The following CCDC7 variants were observed in gnomAD, a reference collection of about 807,000 sequenced individuals.
The protein encoded by CCDC7 is coiled-coil domain-containing protein 7.
In CCDC7, 183 loss-of-function variants were observed where a neutral mutation model predicts 196.9. The ratio of observed to expected loss-of-function variants is 0.93; its 90% CI spans 0.82 to 1.05. The LOEUF (loss-of-function observed/expected upper bound fraction) is 1.05, where lower values mean the gene tolerates loss of function less well. Among genes scored for constraint, CCDC7 ranks in the 50% least tolerant of loss-of-function variants. The probability of loss-of-function intolerance (pLI) is 0.00; values close to 1 mark genes in which losing one functional copy is unlikely to be tolerated. For missense variants in CCDC7, 1,540 were observed against 1,482.2 expected, an observed-to-expected ratio of 1.04 and a Z score of -0.64; for synonymous variants, 525 against 484.6, an observed-to-expected ratio of 1.08 and a Z score of -1.10.
intron 21 of CCDC7, among the ~76,000 whole-genome samples, chr10:32,666,875 CT>C (rs1192962092): frequency 6.6e-6 from 1 of 152,068 alleles, no homozygotes; most frequent in African/African-American, 2.4e-5. Flanking sequence ...ATTTATAATC[CT>C]TTGGGTATAT....
At chr10:32,881,884 A>G (rs948194112), downstream of CCDC7, among the ~76,000 whole-genome samples, 4 of 152,182 alleles carry the variant, frequency 2.6e-5, no homozygotes, top group Admixed American at 1.3e-4. Context: ...TAAGTCTATC[A>G]GTTCAGAGCA....
chr10:32,822,547 A>T lies in CCDC7; in HGVS notation c.3182-1971A>T, dbSNP rs1218232591. ...CATAAAGTTATACAAAGAAATAATT[A>T]TAACAATAATTATTACATTGTCCTT... On this transcript the variant is annotated intron_variant, in intron 31 of 41. Coordinates refer to ENST00000639629, the Ensembl canonical transcript of CCDC7. Among the ~76,000 whole-genome samples, 27 of 152,170 alleles carry T rather than the reference A, an allele frequency of 1.8e-4. 1 individual carries two copies. Among genetic ancestry groups the T allele is most frequent in the Admixed American group, 1.8e-3 (27 of 15,264 alleles).
chr10:32,758,265 A>G (rs2076815700), intron 28 of CCDC7, among the ~76,000 whole-genome samples: 1 of 152,074 alleles, frequency 6.6e-6, no homozygotes, highest in African/African-American at 2.4e-5. Flanking sequence ...CCAGCAGCAT[A>G]CTGATACCAA....
chr10:32,578,402 C>A (rs2058432035), intron 16 of CCDC7, among the ~76,000 whole-genome samples: 1 of 151,308 alleles, frequency 6.6e-6, no homozygotes, highest in African/African-American at 2.4e-5. Context: ...ATTATTATTT[C>A]ATTATAATAT....
chr10:32,845,730 T>C, intron 35 of CCDC7, 104 bp downstream of exon 36: 2 of 1,180,426 alleles, frequency 1.7e-6, no homozygotes, highest in Non-Finnish European at 2.5e-6. Context: ...ATGTTGGTAT[T>C]ACACAGGTAA....
chr10:32,861,115 C>CAAAAAAAAAAAAAAAAAAAAAA (rs142801821), intron 41 of CCDC7, among the ~76,000 whole-genome samples: 2 of 97,130 alleles, frequency 2.1e-5, no homozygotes, highest in African/African-American at 4.0e-5. Context: ...CAATCATAAG[C>CAAAAAAAAAAAAAAAAAAAAAA]AAAAAAAAAA....
intron 13 of CCDC7, among the ~76,000 whole-genome samples, chr10:32,554,378 T>G (rs1160010560): frequency 1.3e-5 from 2 of 152,232 alleles, no homozygotes; most frequent in Non-Finnish European, 2.9e-5. Context: ...CAGCTAGAAC[T>G]GCTTTTCCCT....
At chr10:32,786,033 C>T (rs1346175285) in intron 29 of CCDC7, among the ~76,000 whole-genome samples, 2 of 152,244 alleles carry the variant, frequency 1.3e-5, no homozygotes, top group East Asian at 1.9e-4. Flanking sequence ...TGAAGGGAGA[C>T]TCTTAGGATA....
upstream of CCDC7, among the ~76,000 whole-genome samples, chr10:32,445,134 C>T (rs369432042): frequency 7.2e-5 from 11 of 152,220 alleles, no homozygotes; most frequent in East Asian, 1.5e-3. Context: ...ATTACAGGTG[C>T]GAGCCACCAC....
At chr10:32,705,881 C>T (rs1251253530) in intron 24 of CCDC7, among the ~76,000 whole-genome samples, 1 of 152,098 alleles carries the variant, frequency 6.6e-6, no homozygotes, top group Non-Finnish European at 1.5e-5. Context: ...GAGACTTTAA[C>T]ACTCCACTGT....
intron 11 of CCDC7, among the ~76,000 whole-genome samples, chr10:32,534,217 A>G (rs1455078466): frequency 6.6e-6 from 1 of 152,118 alleles, no homozygotes; most frequent in Admixed American, 6.5e-5. Context: ...CAGTTCAGCA[A>G]ATGTATTTCT....
At chr10:32,864,386 A>C (rs1420576806) in intron 41 of CCDC7, among the ~76,000 whole-genome samples, 1 of 151,744 alleles carries the variant, frequency 6.6e-6, no homozygotes, top group Non-Finnish European at 1.5e-5. Flanking sequence ...TTCAAAAAAA[A>C]TTGTAATTAT....
intron 20 of CCDC7, among the ~76,000 whole-genome samples, chr10:32,657,545 A>G (rs1479396789): frequency 6.6e-6 from 1 of 152,176 alleles, no homozygotes; most frequent in Non-Finnish European, 1.5e-5. Context: ...GAATGGCTGG[A>G]GGTGAAGCAG....
chr10:32,793,721 C>G (rs937554913), intron 29 of CCDC7, among the ~76,000 whole-genome samples: 1 of 151,912 alleles, frequency 6.6e-6, no homozygotes, highest in East Asian at 1.9e-4. Context: ...ATACAATTTC[C>G]AAGGTTTGTC....
chr10:32,651,871 C>A (rs568497377), intron 20 of CCDC7, among the ~76,000 whole-genome samples: 2 of 152,242 alleles, frequency 1.3e-5, no homozygotes, highest in African/African-American at 4.8e-5. Flanking sequence ...TAGGCTGATG[C>A]CCTTTGGGAA....
At chr10:32,539,087 C>T (rs1348376824) in intron 11 of CCDC7, among the ~76,000 whole-genome samples, 1 of 151,922 alleles carries the variant, frequency 6.6e-6, no homozygotes, top group East Asian at 1.9e-4. Flanking sequence ...AGGAATGGCA[C>T]CAGCGCTTCT....
chr10:32,645,979 T>TA (rs1361121521), intron 20 of CCDC7, among the ~76,000 whole-genome samples: 1 of 151,992 alleles, frequency 6.6e-6, no homozygotes, highest in Non-Finnish European at 1.5e-5. Context: ...CTTTTCAAAA[T>TA]ACAGCTTTTT....
intron 11 of CCDC7, among the ~76,000 whole-genome samples, chr10:32,534,589 T>A (rs4314961): frequency 5.3e-5 from 8 of 151,950 alleles, no homozygotes; most frequent in Admixed American, 4.6e-4. Flanking sequence ...TTTTTGGGGG[T>A]GCTCTTGGTG....
chr10:32,533,246 AACACAC>A (rs58119017), intron 11 of CCDC7, among the ~76,000 whole-genome samples: 1,481 of 144,624 alleles, frequency 0.01, 32 homozygotes, highest in African/African-American at 0.035. Flanking sequence ...AAACAAAGGA[AACACAC>A]ACACACACAC....
Sources: allele counts gnomAD v4.1 joint callset (sites outside exome capture counted in the v4.1 genomes callset), GRCh38; gene constraint gnomAD v4.1.1; transcripts MANE v1.5; gene names NCBI Gene and HGNC (gene_info 2026-07-23, HGNC 2026-07-21).